BRD10: variants seen among roughly 807,000 people sequenced by gnomAD.
BRD10 encodes uncharacterized bromodomain-containing protein 10.
chr9:5,914,148 T>G, the BRD10 span: 1 of 416,018 alleles, frequency 2.4e-6, no homozygotes, highest in South Asian at 1.8e-5. Context: ...GTTCCTGCTG[T>G]TCCACGTGCA....
At chr9:5,949,952 G>A in the BRD10 span, among the ~76,000 whole-genome samples, 10 of 152,170 alleles carry the variant, frequency 6.6e-5, no homozygotes, top group East Asian at 1.9e-4. Flanking sequence ...TAACAAAGTC[G>A]TAAGTAAATG....
the BRD10 span, among the ~76,000 whole-genome samples, chr9:6,004,618 T>A: frequency 0.25 from 38,250 of 152,088 alleles, 5,024 homozygotes; most frequent in South Asian, 0.37. Flanking sequence ...ATTCCAGAAG[T>A]CAACGGAAAA....
the BRD10 span, among the ~76,000 whole-genome samples, chr9:5,960,299 C>T: frequency 8.5e-5 from 13 of 152,238 alleles, no homozygotes; most frequent in Admixed American, 4.6e-4. Context: ...TGCTGCCTCA[C>T]GCCTGTAATC....
the BRD10 span, among the ~76,000 whole-genome samples, chr9:5,959,930 C>A: frequency 6.6e-6 from 1 of 152,132 alleles, no homozygotes; most frequent in Non-Finnish European, 1.5e-5. Flanking sequence ...TCAACTTTTC[C>A]ACAAAAGTTT....
chr9:6,007,727 G>A, the BRD10 span: 8 of 1,600,708 alleles, frequency 5.0e-6, no homozygotes, highest in African/African-American at 4.0e-5. Flanking sequence ...TCGGCCGCCG[G>A]TGGCGGCCGC....
At chr9:5,922,698 T>C in the BRD10 span, 2 of 1,613,890 alleles carry the variant, frequency 1.2e-6, no homozygotes, top group Non-Finnish European at 1.7e-6. Flanking sequence ...ACTTGCTGCA[T>C]GATTTTTTCT....
At chr9:5,976,986 T>A in the BRD10 span, among the ~76,000 whole-genome samples, 1 of 152,200 alleles carries the variant, frequency 6.6e-6, no homozygotes, top group Non-Finnish European at 1.5e-5. Flanking sequence ...GAAAAGCAAC[T>A]TTTGGCCAAT....
chr9:5,882,926 G>A, the BRD10 span, among the ~76,000 whole-genome samples: 15 of 152,080 alleles, frequency 9.9e-5, no homozygotes, highest in Non-Finnish European at 1.8e-4. Context: ...ACCAAACACC[G>A]CGTGTTCTCA....
chr9:5,888,467 A>T, the BRD10 span, among the ~76,000 whole-genome samples: 1 of 152,362 alleles, frequency 6.6e-6, no homozygotes, highest in Non-Finnish European at 1.5e-5. Context: ...TGTTTATTTT[A>T]GACTATGGAA....
chr9:5,883,018 G>C, the BRD10 span, among the ~76,000 whole-genome samples: 8 of 152,132 alleles, frequency 5.3e-5, no homozygotes, highest in East Asian at 3.9e-4. Flanking sequence ...GTGGAGTGGG[G>C]GGCTGGGGGA....
the BRD10 span, among the ~76,000 whole-genome samples, chr9:5,916,748 G>T: frequency 1.3e-5 from 2 of 152,010 alleles, no homozygotes; most frequent in Non-Finnish European, 2.9e-5. Context: ...ATATCCAAAT[G>T]GCTTAATTCT....
chr9:5,920,958 C>T, the BRD10 span: 3 of 1,613,780 alleles, frequency 1.9e-6, no homozygotes, highest in African/African-American at 2.7e-5. Context: ...CTGACTAAAA[C>T]AGGAGGTTGT....
At chr9:5,966,840 C>T in the BRD10 span, among the ~76,000 whole-genome samples, 1 of 152,128 alleles carries the variant, frequency 6.6e-6, no homozygotes. Flanking sequence ...ATAAAATTTA[C>T]AAGGCTTATT....
At chr9:5,953,980 A>C in the BRD10 span, 1 of 1,323,748 alleles carries the variant, frequency 7.6e-7, no homozygotes, top group Non-Finnish European at 1.1e-6. Flanking sequence ...TGAAACAAAA[A>C]ATTGAAAAAT....
At chr9:5,897,040 T>G in the BRD10 span, among the ~76,000 whole-genome samples, 12 of 152,268 alleles carry the variant, frequency 7.9e-5, no homozygotes, top group African/African-American at 2.9e-4. Flanking sequence ...CTCTGCCTTT[T>G]ATTTCCTCTT....
the BRD10 span, chr9:6,007,906 C>G: frequency 7.4e-7 from 1 of 1,352,368 alleles, no homozygotes; most frequent in Non-Finnish European, 9.4e-7. Flanking sequence ...CACATCGGGC[C>G]TGGCTCTCCT....
chr9:5,913,622 T>C, the BRD10 span, among the ~76,000 whole-genome samples: 1 of 152,222 alleles, frequency 6.6e-6, no homozygotes, highest in African/African-American at 2.4e-5. Flanking sequence ...TTAAATCATA[T>C]GGAAGGTGAT....
the BRD10 span, among the ~76,000 whole-genome samples, chr9:5,990,363 T>C: frequency 7.2e-5 from 11 of 152,090 alleles, no homozygotes; most frequent in Non-Finnish European, 1.5e-4. Flanking sequence ...CATTGAAAAA[T>C]AATGACATCT....
the BRD10 span, chr9:5,968,590 G>A: frequency 1.2e-6 from 2 of 1,613,866 alleles, no homozygotes; most frequent in Non-Finnish European, 1.7e-6. Flanking sequence ...TAGCAGGACA[G>A]CAAGCTGGAT....
Sources: allele counts gnomAD v4.1 joint callset (sites outside exome capture counted in the v4.1 genomes callset), GRCh38; gene constraint gnomAD v4.1.1; transcripts MANE v1.5; gene names NCBI Gene and HGNC (gene_info 2026-07-23, HGNC 2026-07-21).